DGKG: variants seen among roughly 807,000 people sequenced by gnomAD.
DGKG encodes the protein diacylglycerol kinase gamma, also known as DAG kinase gamma.
In DGKG, 78 loss-of-function variants were observed where a neutral mutation model predicts 105.3. The ratio of observed to expected loss-of-function variants is 0.74; its 90% CI spans 0.62 to 0.89. The LOEUF (loss-of-function observed/expected upper bound fraction) is 0.89, where lower values mean the gene tolerates loss of function less well. DGKG is among the 40% of genes least tolerant of loss of function. The pLI is 0.00. For synonymous variants in DGKG, 346 were observed against 367.1 expected, an observed-to-expected ratio of 0.94 and a Z score of 0.66; for missense variants, 958 against 1,020.1, an observed-to-expected ratio of 0.94 and a Z score of 0.83.
intron 1 of DGKG, among the ~76,000 whole-genome samples, chr3:186,340,193 C>T (rs897985784): frequency 6.6e-6 from 1 of 152,186 alleles, no homozygotes; most frequent in East Asian, 1.9e-4. Flanking sequence ...AAAGAAGATG[C>T]TTTTCAGTAC....
chr3:186,253,086 A>G lies in DGKG; in HGVS notation c.1600+7T>C, dbSNP rs368704717. On this transcript the variant is annotated splice_region_variant and intron_variant, in intron 18 of 24. Transcript: ENST00000265022. ...CCCAGGGTACCACCATTAGCATGCA[A>G]ACTCACCTCCTCCCCAGCGGAGACA... 7 of 1,613,974 alleles carry G rather than the reference A, an allele frequency of 4.3e-6. No homozygotes were observed. Among genetic ancestry groups the G allele is most frequent in the Non-Finnish European group, 5.9e-6 (7 of 1,179,842 alleles).
Position 186,149,776 on chromosome 3 carries a change from G to T in DGKG, c.*314C>A. ...AGAAAGAAAGGGGGATTTCCCTTCA[G>T]TCTCAGAAAATTCTGCTCAAGGCCT... is the stretch of plus-strand genomic sequence containing the variant. On this transcript the variant is annotated 3_prime_UTR_variant, in exon 25 of 25. Transcript: ENST00000265022. 9.3e-7 allele frequency: 1 copy of T among 1,078,554 alleles called. No individual in the cohort carries two copies. The allele number at this position is 1,078,554 out of a possible 1,614,324, so 66.8% of individuals were successfully genotyped here.
At chr3:186,238,865 A>T (rs1365724463) in intron 20 of DGKG, among the ~76,000 whole-genome samples, 1 of 152,208 alleles carries the variant, frequency 6.6e-6, no homozygotes, top group Non-Finnish European at 1.5e-5. Context: ...GCAACAACCC[A>T]TCTAGAGAGG....
At position 186,237,918 on chromosome 3, in the gene DGKG, A is replaced by G. The variant is rs147684191; in HGVS notation, c.1826+4586T>C. 6.9e-3 allele frequency among the ~76,000 whole-genome samples: 1,053 copies of G among 152,288 alleles called. 7 individuals are homozygous for G. The highest frequency in any genetic ancestry group is 0.024 in the African/African-American group (1,001 of 41,568). ...TTAATGTATTTAAAGACCCTAGTTC[A>G]CCACTTGGCATCTAGGAGGAGCTAA... On this transcript the variant is annotated intron_variant, in intron 20 of 24. Coordinates refer to ENST00000265022, the MANE Select transcript of DGKG (RefSeq NM_001346.3).
chr3:186,319,198 G>A (rs1724961199), intron 2 of DGKG, among the ~76,000 whole-genome samples: 1 of 152,156 alleles, frequency 6.6e-6, no homozygotes. Context: ...GTACCAGGAG[G>A]GTGACAAACC....
chr3:186,189,364 C>G (rs1030011190), intron 21 of DGKG, among the ~76,000 whole-genome samples: 3 of 152,198 alleles, frequency 2.0e-5, no homozygotes, highest in Non-Finnish European at 2.9e-5. Flanking sequence ...ACTTTGGCAT[C>G]GTGCTTACCA....
chr3:186,314,499 A>C (rs983522737), intron 2 of DGKG, among the ~76,000 whole-genome samples: 1 of 152,192 alleles, frequency 6.6e-6, no homozygotes, highest in Non-Finnish European at 1.5e-5. Flanking sequence ...TCACGCCTGT[A>C]GTCCCAGCAC....
chr3:186,251,629 G>T, intron 19 of DGKG, 130 bp downstream of exon 19: 1 of 1,014,946 alleles, frequency 9.9e-7, no homozygotes, highest in Non-Finnish European at 1.5e-6. Flanking sequence ...CAGAATGCTT[G>T]GACCCAACTC....
chr3:186,273,796 CACTT>C, intron 10 of DGKG, among the ~76,000 whole-genome samples: 1 of 152,302 alleles, frequency 6.6e-6, no homozygotes, highest in South Asian at 2.1e-4. Context: ...TTGGATAAAG[CACTT>C]CAGCCTGGAG....
intron 21 of DGKG, 152 bp downstream of exon 21, chr3:186,211,643 G>C: frequency 1.6e-6 from 1 of 608,824 alleles, no homozygotes; most frequent in Non-Finnish European, 3.0e-6. Flanking sequence ...CTGAGTGAGC[G>C]TATGGAGGTG....
At chr3:186,315,564 T>G (rs532201164) in intron 2 of DGKG, among the ~76,000 whole-genome samples, 2 of 152,040 alleles carry the variant, frequency 1.3e-5, no homozygotes, top group South Asian at 4.1e-4. Flanking sequence ...TAGGCTAGAA[T>G]GTGGATATCA....
intron 13 of DGKG, among the ~76,000 whole-genome samples, chr3:186,265,657 CTTTTT>C (rs68014632): frequency 6.5e-4 from 50 of 77,388 alleles, no homozygotes; most frequent in African/African-American, 1.8e-3. Flanking sequence ...TTCTTCCTTT[CTTTTT>C]TTTTTTTTTT....
intron 3 of DGKG, among the ~76,000 whole-genome samples, chr3:186,298,728 C>G (rs1723720215): frequency 6.6e-6 from 1 of 152,146 alleles, no homozygotes; most frequent in Non-Finnish European, 1.5e-5. Context: ...CTTGGTTTCC[C>G]TCTTGTACCA....
intron 24 of DGKG, among the ~76,000 whole-genome samples, chr3:186,157,813 A>C (rs1305449243): frequency 6.6e-6 from 1 of 152,006 alleles, no homozygotes; most frequent in African/African-American, 2.4e-5. Context: ...AGCGATTCTC[A>C]TGCCTCAGCC....
chr3:186,351,466 G>C (rs988360062), intron 1 of DGKG, among the ~76,000 whole-genome samples: 14 of 152,260 alleles, frequency 9.2e-5, no homozygotes, highest in African/African-American at 3.4e-4. Flanking sequence ...TCTGAGGAGA[G>C]AGCCTTAGGA....
Position 186,275,663 on chromosome 3 carries a change from C to T in DGKG, c.794G>A (p.Gly265Asp). The T allele has an allele frequency of 1.9e-6, 3 of 1,612,892 alleles. No homozygotes were observed. The highest frequency in any genetic ancestry group is 2.5e-6 in the Non-Finnish European group (3 of 1,179,416). ...GGCGTGCCGCCCATCCCCCTTGGAG[C>T]CCTGCAGGGGTAATAGGAGGTGAGA... ...LLVLLGMDDS[G>D]SKGDGRHAWT... The change falls in exon 10 of 25, where the codon GGC (glycine) becomes GAC (aspartate). Residue 265 changes from glycine (G) to aspartate (D), a missense_variant and splice_region_variant. This residue lies in a region of DGKG where 643 missense variants were observed against 619.5 expected (regional missense o/e 1.04). Transcript: ENST00000265022.
intron 19 of DGKG, 128 bp from the exon 20 acceptor site, chr3:186,242,696 G>T: frequency 1.4e-6 from 1 of 721,662 alleles, no homozygotes; most frequent in South Asian, 2.2e-5. Context: ...GCATGGTGGG[G>T]CTCCAGGTCA....
chr3:186,298,398 C>T (rs941857443), intron 3 of DGKG, among the ~76,000 whole-genome samples, 169 bp from the exon 4 acceptor site: 1 of 152,022 alleles, frequency 6.6e-6, no homozygotes, highest in Non-Finnish European at 1.5e-5. Context: ...AAGTGATAGA[C>T]AATGAGAGGC....
At chr3:186,174,418 T>G (rs1716972895) in intron 22 of DGKG, among the ~76,000 whole-genome samples, 1 of 151,118 alleles carries the variant, frequency 6.6e-6, no homozygotes, top group Non-Finnish European at 1.5e-5. Context: ...AGGAAGGCAA[T>G]GAAAGGGAGG....
Sources: allele counts gnomAD v4.1 joint callset (sites outside exome capture counted in the v4.1 genomes callset), GRCh38; gene constraint gnomAD v4.1.1; regional missense constraint gnomAD v4.1.1; transcripts MANE v1.5; gene names NCBI Gene and HGNC (gene_info 2026-07-23, HGNC 2026-07-21).